Variants in PCDHA1 observed in about 807,000 individuals in gnomAD.
PCDHA1 encodes protocadherin alpha-1.
In PCDHA1, 42 loss-of-function variants were observed where a neutral mutation model predicts 61.3. That is an observed-to-expected ratio of 0.69 (90% CI 0.54 to 0.89). The LOEUF is 0.89. Among genes scored for constraint, PCDHA1 ranks in the 40% least tolerant of loss-of-function variants. The pLI, the probability that PCDHA1 is intolerant of heterozygous loss-of-function variation, is 0.00. For synonymous variants in PCDHA1, 610 were observed against 553.8 expected, an observed-to-expected ratio of 1.10 and a Z score of -1.43; for missense variants, 1,256 against 1,235.3, an observed-to-expected ratio of 1.02 and a Z score of -0.25.
chr5:140,787,377 G>C lies in PCDHA1; in HGVS notation c.1087G>C (p.Ala363Pro). ...ATTGTATTTGCCTATCAGAGAGGAC[G>C]CTCCACTCAGCACCGTCATCGCCCT... ...TSLYLPIRED[A>P]PLSTVIALIT... Residue 363 changes from alanine to proline, a missense_variant, in exon 1 of 4, where the codon GCT becomes CCT. Ala to Pro is a conservative substitution (Grantham distance 27). Coordinates refer to ENST00000504120, the MANE Select transcript of PCDHA1 (RefSeq NM_018900.4). 8.7e-6 allele frequency: 14 copies of C among 1,614,190 alleles called. No individual in the cohort carries two copies. Among genetic ancestry groups the C allele is most frequent in the Non-Finnish European group, 1.2e-5 (14 of 1,180,022 alleles).
In PCDHA1 at chr5:140,787,101, G is replaced by A. The variant is rs115085380; in HGVS notation, c.811G>A (p.Glu271Lys). The change falls in exon 1 of 4, where the codon GAA (glutamate) becomes AAA (lysine). Residue 271 changes from glutamate (E) to lysine (K), a missense_variant. Physicochemically the swap from Glu to Lys is moderately conservative, Grantham distance 56 (BLOSUM62 1). Transcript: ENST00000504120. ...CACATTAAATGCCTCTGATGCTGAC[G>A]AAGGTGTAAATGGTGAAGTCGTCTT... ...VTTLNASDAD[E>K]GVNGEVVFSF... The A allele has an allele frequency of 2.5e-6, 4 of 1,614,044 alleles. No individual in the cohort carries two copies. The highest frequency in any genetic ancestry group is 2.7e-5 in the African/African-American group (2 of 74,928).
intron 1 of PCDHA1, among the ~76,000 whole-genome samples, chr5:140,965,879 G>A (rs920261632): frequency 6.6e-6 from 1 of 152,216 alleles, no homozygotes; most frequent in Non-Finnish European, 1.5e-5. Flanking sequence ...ACTTGGCCGA[G>A]AGCAGAATTG....
intron 1 of PCDHA1, chr5:140,871,648 T>G: frequency 7.8e-7 from 1 of 1,275,766 alleles, no homozygotes. Context: ...AAATACCAAA[T>G]GATACACATC....
chr5:140,968,008 C>T, intron 1 of PCDHA1: 1 of 1,614,202 alleles, frequency 6.2e-7, no homozygotes, highest in Non-Finnish European at 8.5e-7. Flanking sequence ...GACTGAATGG[C>T]TTTGGAAACT....
At chr5:140,792,066 C>T (rs1490592033) in intron 1 of PCDHA1, among the ~76,000 whole-genome samples, 1 of 152,122 alleles carries the variant, frequency 6.6e-6, no homozygotes, top group East Asian at 1.9e-4. Context: ...AATTTCTTCT[C>T]TCTTATGGAG....
intron 1 of PCDHA1, chr5:140,870,719 C>A (rs782257127): frequency 1.9e-6 from 3 of 1,613,084 alleles, no homozygotes; most frequent in Admixed American, 3.3e-5. Flanking sequence ...GCGCGCGATG[C>A]GGGCGTGCCG....
chr5:140,889,923 C>T (rs1225073810), intron 1 of PCDHA1, among the ~76,000 whole-genome samples: 1 of 152,184 alleles, frequency 6.6e-6, no homozygotes, highest in African/African-American at 2.4e-5. Flanking sequence ...TGTAAAGAAG[C>T]TCAAGCTGGA....
At chr5:140,802,166 G>C in intron 1 of PCDHA1, 1 of 1,614,168 alleles carries the variant, frequency 6.2e-7, no homozygotes, top group Non-Finnish European at 8.5e-7. Context: ...TAGAAGCCAC[G>C]GATAAAGGAA....
chr5:140,910,577 C>T (rs1425639563), intron 1 of PCDHA1, among the ~76,000 whole-genome samples: 1 of 152,186 alleles, frequency 6.6e-6, no homozygotes, highest in Non-Finnish European at 1.5e-5. Flanking sequence ...TTTCTGGATC[C>T]TCCCAGCTGG....
Position 140,787,720 on chromosome 5 carries a change from T to C in PCDHA1, c.1430T>C (p.Val477Ala), listed in dbSNP as rs1554117956. ...NNPPGCHIFT[V>A]SARDADAQEN... ...CCGCCGGGCTGCCACATCTTCACGGTGTCTGCGCGGGACGCGGACGCGCAG... is the reference window on the plus strand; with the variant it reads ...CCGCCGGGCTGCCACATCTTCACGGCGTCTGCGCGGGACGCGGACGCGCAG... Residue 477 changes from valine to alanine, a missense_variant, in exon 1 of 4, where the codon GTG (valine) becomes GCG (alanine). Transcript: ENST00000504120. 6.2e-7 allele frequency: 1 copy of C among 1,613,778 alleles called. No homozygotes were observed.
At chr5:140,914,065 C>CTCCA (rs2076587155) in intron 1 of PCDHA1, among the ~76,000 whole-genome samples, 1 of 152,106 alleles carries the variant, frequency 6.6e-6, no homozygotes. Flanking sequence ...GGATGAAATG[C>CTCCA]TCCATAACTA....
At chr5:140,935,767 T>C (rs1373324342) in intron 1 of PCDHA1, among the ~76,000 whole-genome samples, 2 of 152,184 alleles carry the variant, frequency 1.3e-5, no homozygotes, top group Non-Finnish European at 2.9e-5. Flanking sequence ...TCTTCCCCAC[T>C]TTGAGTTTTT....
intron 1 of PCDHA1, chr5:140,870,868 G>A (rs550915753): frequency 1.2e-6 from 2 of 1,613,944 alleles, no homozygotes; most frequent in Non-Finnish European, 1.7e-6. Flanking sequence ...TGCGGGCCAC[G>A]TGGTGGCGAA....
At position 140,857,233 on chromosome 5, in the gene PCDHA1, G is replaced by A. The variant is rs1308790390; in HGVS notation, c.2394+68549G>A. The A allele has an allele frequency of 4.4e-6, 7 of 1,598,456 alleles. 1 individual carries two copies. Among genetic ancestry groups the A allele is most frequent in the Non-Finnish European group, 6.0e-6 (7 of 1,167,974 alleles). On this transcript the variant is annotated intron_variant, in intron 1 of 3. Coordinates refer to ENST00000504120, the MANE Select transcript of PCDHA1 (RefSeq NM_018900.4). Reference sequence around the variant, plus strand: ...CTCTGACGCCTCACGTTCCGTTCAAGCTGGTGTCCACCTACAAGAATTACT... The same window carrying A: ...CTCTGACGCCTCACGTTCCGTTCAAACTGGTGTCCACCTACAAGAATTACT...
At chr5:140,883,628 G>A (rs903824034) in intron 1 of PCDHA1, 1 of 1,613,884 alleles carries the variant, frequency 6.2e-7, no homozygotes, top group Admixed American at 1.7e-5. Context: ...CAACGCGCCG[G>A]CGTTCGCGCA....
intron 1 of PCDHA1, among the ~76,000 whole-genome samples, chr5:140,898,580 T>G (rs541428438): frequency 2.9e-4 from 44 of 152,370 alleles, no homozygotes; most frequent in African/African-American, 1.0e-3. Flanking sequence ...CCATGCTGTT[T>G]TGGTTACTGT....
chr5:140,831,428 T>A (rs1771525057), intron 1 of PCDHA1, among the ~76,000 whole-genome samples: 1 of 151,652 alleles, frequency 6.6e-6, no homozygotes. Context: ...GGTGCAATAA[T>A]GGCTCACTGC....
At chr5:140,822,230 C>T (rs1767239116) in intron 1 of PCDHA1, 2 of 1,614,084 alleles carry the variant, frequency 1.2e-6, no homozygotes, top group Non-Finnish European at 8.5e-7. Flanking sequence ...TCGCGGTTTC[C>T]GCTAGAGGGC....
intron 1 of PCDHA1, chr5:140,803,010 G>C: frequency 2.5e-6 from 4 of 1,614,028 alleles, no homozygotes; most frequent in Non-Finnish European, 3.4e-6. Context: ...AGGCTACAAC[G>C]CGTGGCTTTC....
Sources: gnomAD v4.1 joint callset for allele counts (sites outside exome capture counted in the v4.1 genomes callset) on GRCh38, gnomAD v4.1.1 for gene constraint, MANE v1.5 for transcripts, NCBI Gene and HGNC (gene_info 2026-07-23, HGNC 2026-07-21) for gene names.